Variants in SUPT20H observed in about 807,000 individuals in gnomAD.
SUPT20H encodes transcription factor SPT20 homolog.
Under a neutral mutation model 122.8 loss-of-function variants are expected in SUPT20H, and 82 were observed. That is an observed-to-expected ratio of 0.67 (90% CI 0.56 to 0.80). The LOEUF (loss-of-function observed/expected upper bound fraction) is 0.80. Ranked by LOEUF, SUPT20H falls within the 30% of genes least tolerant of loss-of-function variation. The probability of loss-of-function intolerance (pLI) is 0.00; values close to 1 mark genes in which losing one functional copy is unlikely to be tolerated. For missense variants in SUPT20H, 831 were observed against 921.6 expected (o/e 0.90, Z 1.27); for synonymous variants, 291 against 313.0 (o/e 0.93, Z 0.74).
intron 1 of SUPT20H, among the ~76,000 whole-genome samples, chr13:37,057,677 CA>C (rs1404561596): frequency 6.6e-6 from 1 of 151,680 alleles, no homozygotes; most frequent in Non-Finnish European, 1.5e-5. Flanking sequence ...AGTGTCTCTA[CA>C]AAAAAATACA....
intron 20 of SUPT20H, 45 bp downstream of exon 20, chr13:37,021,966 A>G (rs759705957): frequency 2.6e-6 from 4 of 1,515,544 alleles, no homozygotes; most frequent in African/African-American, 1.4e-5. Context: ...AGATTGGTGA[A>G]ACTATCTTTA....
intron 2 of SUPT20H, among the ~76,000 whole-genome samples, chr13:37,050,609 G>C (rs1452973914): frequency 1.3e-5 from 2 of 152,128 alleles, no homozygotes; most frequent in African/African-American, 4.8e-5. Context: ...GTCATCTCAA[G>C]TAAATATTTC....
At chr13:37,029,503 C>T (rs1160134148) in intron 13 of SUPT20H, among the ~76,000 whole-genome samples, 3 of 150,586 alleles carry the variant, frequency 2.0e-5, no homozygotes, top group African/African-American at 7.3e-5. Context: ...CCAGCCTGGG[C>T]GATAAGAGCC....
chr13:37,021,407 C>T, intron 21 of SUPT20H, 41 bp downstream of exon 21: 1 of 1,539,060 alleles, frequency 6.5e-7, no homozygotes, highest in East Asian at 2.3e-5. Context: ...TTAGCATATA[C>T]TTTAATTTTT....
At chr13:37,041,435 A>C (rs2065445424) in intron 7 of SUPT20H, among the ~76,000 whole-genome samples, 1 of 151,708 alleles carries the variant, frequency 6.6e-6, no homozygotes, top group African/African-American at 2.4e-5. Flanking sequence ...GGAGAATGGC[A>C]TGAACCCAGG....
intron 3 of SUPT20H, among the ~76,000 whole-genome samples, 171 bp from the exon 4 acceptor site, chr13:37,048,107 G>A (rs1342095711): frequency 6.6e-6 from 1 of 152,138 alleles, no homozygotes; most frequent in African/African-American, 2.4e-5. Flanking sequence ...TCAAACAAAT[G>A]AAATTTGAAC....
At chr13:37,043,176 C>G (rs2138757808) in intron 7 of SUPT20H, among the ~76,000 whole-genome samples, 1 of 152,212 alleles carries the variant, frequency 6.6e-6, no homozygotes, top group Middle Eastern at 3.4e-3. Flanking sequence ...ATCCAGAAAA[C>G]AAGTGGAGGG....
Position 37,009,641 on chromosome 13 carries a change from T to C in SUPT20H, c.*31A>G. ...TCTTTTGATTCAGTGCTCTTGTGTT[T>C]TTAAAAAAGGAACAAAAAGTAATGC... On this transcript the variant is annotated 3_prime_UTR_variant, in exon 26 of 26. Transcript: ENST00000350612. 6.2e-7 allele frequency: 1 copy of C among 1,613,050 alleles called. No individual in the cohort carries two copies. Among genetic ancestry groups the C allele is most frequent in the Non-Finnish European group, 8.5e-7 (1 of 1,179,552 alleles).
chr13:37,024,528 A>AT, intron 17 of SUPT20H, 86 bp from the exon 18 acceptor site: 1 of 894,920 alleles, frequency 1.1e-6, no homozygotes, highest in South Asian at 3.1e-5. Context: ...TTCATAGTTT[A>AT]TTAAATAAAA....
intron 16 of SUPT20H, among the ~76,000 whole-genome samples, 177 bp from the exon 17 acceptor site, chr13:37,025,614 C>G (rs1237448001): frequency 6.6e-6 from 1 of 152,050 alleles, no homozygotes; most frequent in Non-Finnish European, 1.5e-5. Context: ...TTAAACTGTT[C>G]AATGACAAAT....
At chr13:37,020,038 T>G (rs2061234711) in intron 21 of SUPT20H, among the ~76,000 whole-genome samples, 1 of 152,190 alleles carries the variant, frequency 6.6e-6, no homozygotes, top group South Asian at 2.1e-4. Context: ...ACAAATGGCC[T>G]CTGCTGCATT....
chr13:37,046,819 G>A (rs1230267982), intron 5 of SUPT20H: 2 of 152,114 alleles, frequency 1.3e-5, no homozygotes, highest in East Asian at 3.8e-4. Context: ...AAAACATACT[G>A]TAAGATTTAC....
At chr13:37,037,647 A>G (rs2064732817) in intron 9 of SUPT20H, among the ~76,000 whole-genome samples, 2 of 152,226 alleles carry the variant, frequency 1.3e-5, no homozygotes, top group Non-Finnish European at 1.5e-5. Context: ...GGCATTTTTC[A>G]GTAACTGTGA....
chr13:37,023,079 G>C, intron 19 of SUPT20H: 1 of 1,276,094 alleles, frequency 7.8e-7, no homozygotes, highest in Non-Finnish European at 1.0e-6. Flanking sequence ...TGAATGTCCA[G>C]AAGCTGTCAC....
chr13:37,051,927 AT>A (rs2067802308), intron 1 of SUPT20H, among the ~76,000 whole-genome samples: 1 of 152,172 alleles, frequency 6.6e-6, no homozygotes, highest in Non-Finnish European at 1.5e-5. Context: ...TTTCCTTTGA[AT>A]TATTTTAATA....
intron 7 of SUPT20H, among the ~76,000 whole-genome samples, chr13:37,042,542 A>C (rs1183768009): frequency 6.6e-6 from 1 of 152,202 alleles, no homozygotes; most frequent in Non-Finnish European, 1.5e-5. Context: ...GAAAACCAGG[A>C]AAATGATGTC....
At chr13:37,016,404 T>A (rs2060501846) in intron 23 of SUPT20H, among the ~76,000 whole-genome samples, 1 of 149,956 alleles carries the variant, frequency 6.7e-6, no homozygotes. Flanking sequence ...CACTCCAGCC[T>A]GGGCAACAGC....
chr13:37,052,136 C>G (rs2067872728), intron 1 of SUPT20H, among the ~76,000 whole-genome samples: 1 of 152,122 alleles, frequency 6.6e-6, no homozygotes, highest in South Asian at 2.1e-4. Flanking sequence ...AATGCTATTA[C>G]CATCAAGCTA....
intron 25 of SUPT20H, 31 bp from the exon 26 acceptor site, chr13:37,009,840 T>C (rs371008112): frequency 1.9e-4 from 298 of 1,599,916 alleles, no homozygotes; most frequent in Non-Finnish European, 2.3e-4. Flanking sequence ...AATCGAGTTA[T>C]GTTAAATGCA....
Sources: gnomAD v4.1 joint callset for allele counts (sites outside exome capture counted in the v4.1 genomes callset) on GRCh38, gnomAD v4.1.1 for gene constraint, MANE v1.5 for transcripts, NCBI Gene and HGNC (gene_info 2026-07-23, HGNC 2026-07-21) for gene names.